Variants in FHIT observed in about 807,000 individuals in gnomAD.
FHIT encodes bis(5'-adenosyl)-triphosphatase.
In FHIT, 19 loss-of-function variants were observed where a neutral mutation model predicts 17.9. That is an observed-to-expected ratio of 1.06 (90% CI 0.74 to 1.56). The LOEUF is 1.56. FHIT is among the 40% of genes most tolerant of loss of function. FHIT has a pLI of 0.00. For missense variants in FHIT, 248 were observed against 189.2 expected (o/e 1.31, Z -1.82); for synonymous variants, 81 against 69.7 (o/e 1.16, Z -0.81).
chr3:60,270,404 T>C (rs1706804533), intron 5 of FHIT, among the ~76,000 whole-genome samples: 2 of 152,212 alleles, frequency 1.3e-5, no homozygotes, highest in Admixed American at 6.5e-5. Context: ...GTTCTACCTT[T>C]TTAAAACAGA....
At chr3:60,030,424 A>G (rs754303760) in intron 5 of FHIT, among the ~76,000 whole-genome samples, 1 of 152,122 alleles carries the variant, frequency 6.6e-6, no homozygotes, top group South Asian at 2.1e-4. Flanking sequence ...TCATCCTTGG[A>G]TCCAAAGACC....
intron 5 of FHIT, among the ~76,000 whole-genome samples, chr3:60,058,377 C>G: frequency 6.6e-6 from 1 of 151,994 alleles, no homozygotes; most frequent in East Asian, 1.9e-4. Flanking sequence ...GATCTGCCCG[C>G]CTCAGCCTCC....
At position 60,501,265 on chromosome 3, in the gene FHIT, T is replaced by C. The variant is rs1032030260; in HGVS notation, c.103+35595A>G. Reference sequence around the variant, plus strand: ...ATTTCAATATACGTTTAATGTTTTTTGATAACTCGTTGTAGGTAGCCACTA... The same window carrying C: ...ATTTCAATATACGTTTAATGTTTTTCGATAACTCGTTGTAGGTAGCCACTA... On this transcript the variant is annotated intron_variant, in intron 5 of 9. Transcript: ENST00000492590. 9.9e-5 allele frequency among the ~76,000 whole-genome samples: 15 copies of C among 152,250 alleles called. No homozygotes were observed. In the East Asian group the frequency reaches 2.3e-3, roughly 24 times the overall value.
At chr3:61,043,763 C>A (rs932095730) in intron 2 of FHIT, among the ~76,000 whole-genome samples, 4 of 152,208 alleles carry the variant, frequency 2.6e-5, no homozygotes, top group African/African-American at 9.6e-5. Context: ...CAGCCAAGTA[C>A]CCCTCTGAGA....
chr3:61,215,125 C>G (rs370421621), intron 1 of FHIT, among the ~76,000 whole-genome samples: 1 of 151,846 alleles, frequency 6.6e-6, no homozygotes, highest in Non-Finnish European at 1.5e-5. Flanking sequence ...TCTCACCACT[C>G]CTATTCAACA....
intron 7 of FHIT, among the ~76,000 whole-genome samples, chr3:59,965,260 T>G (rs2200453): frequency 0.98 from 148,978 of 152,124 alleles, 73,016 homozygotes; most frequent in Middle Eastern, 1. Context: ...GGATGGAGGT[T>G]CATAGAAAAT....
intron 5 of FHIT, among the ~76,000 whole-genome samples, chr3:60,109,359 A>G (rs1422513818): frequency 6.6e-6 from 1 of 152,216 alleles, no homozygotes; most frequent in Non-Finnish European, 1.5e-5. Flanking sequence ...CTCAGAGGGT[A>G]TTAAACTCCA....
chr3:59,882,930 G>C lies in FHIT; in HGVS notation c.348+39416C>G, dbSNP rs186406151. 7.9e-5 allele frequency among the ~76,000 whole-genome samples: 12 copies of C among 152,310 alleles called. No homozygotes were observed. In the East Asian group the frequency reaches 1.9e-3, roughly 24 times the overall value. The stretch of plus-strand genomic sequence containing the variant: ...TTGGCCATGACTATGCTGTTCGGAG[G>C]AGGAAAATGAGAATGTTCAGTGGAA... On this transcript the variant is annotated intron_variant, in intron 8 of 9. Transcript: ENST00000492590.
intron 5 of FHIT, among the ~76,000 whole-genome samples, chr3:60,440,731 C>A (rs2107326934): frequency 6.6e-6 from 1 of 152,088 alleles, no homozygotes; most frequent in South Asian, 2.1e-4. Flanking sequence ...TGTCTTTCTG[C>A]AATATTCAGT....
chr3:60,911,397 A>ACACC (rs1553765843), intron 3 of FHIT, among the ~76,000 whole-genome samples: 9 of 149,282 alleles, frequency 6.0e-5, no homozygotes, highest in East Asian at 2.0e-4. Flanking sequence ...ACACACACAC[A>ACACC]CCCTTCCACC....
chr3:60,443,197 T>C (rs1415359609), intron 5 of FHIT, among the ~76,000 whole-genome samples: 1 of 152,214 alleles, frequency 6.6e-6, no homozygotes, highest in Non-Finnish European at 1.5e-5. Flanking sequence ...GTTTTCTAGA[T>C]ATACAATCAT....
intron 7 of FHIT, among the ~76,000 whole-genome samples, chr3:59,944,034 G>T (rs1706671980): frequency 6.6e-6 from 1 of 152,134 alleles, no homozygotes; most frequent in Non-Finnish European, 1.5e-5. Context: ...TCAGTACTAG[G>T]TACTGTCTAA....
intron 5 of FHIT, among the ~76,000 whole-genome samples, chr3:60,331,303 G>A (rs192229776): frequency 1.3e-4 from 19 of 151,806 alleles, no homozygotes; most frequent in African/African-American, 4.1e-4. Context: ...TCTTTCCATG[G>A]GTGGATATAG....
At chr3:60,044,049 T>G (rs1310607310) in intron 5 of FHIT, among the ~76,000 whole-genome samples, 1 of 152,208 alleles carries the variant, frequency 6.6e-6, no homozygotes, top group African/African-American at 2.4e-5. Flanking sequence ...CTTTTAAATG[T>G]TGTAAGTCAA....
At chr3:60,860,106 A>G (rs1703583171) in intron 3 of FHIT, among the ~76,000 whole-genome samples, 1 of 147,872 alleles carries the variant, frequency 6.8e-6, no homozygotes, top group African/African-American at 2.5e-5. Flanking sequence ...GATATATCTG[A>G]TATATGATAT....
At chr3:59,791,516 C>CAGTT (rs1425059680) in intron 8 of FHIT, among the ~76,000 whole-genome samples, 2 of 152,164 alleles carry the variant, frequency 1.3e-5, no homozygotes, top group East Asian at 3.9e-4. Context: ...TTAGACTTTT[C>CAGTT]AGTTACATGA....
At chr3:59,798,336 C>G (rs921969880) in intron 8 of FHIT, among the ~76,000 whole-genome samples, 1 of 152,124 alleles carries the variant, frequency 6.6e-6, no homozygotes, top group African/African-American at 2.4e-5. Flanking sequence ...TAGTGCTATA[C>G]GATTTAGGTA....
At chr3:60,378,012 CTA>C (rs1700645202) in intron 5 of FHIT, among the ~76,000 whole-genome samples, 1 of 151,954 alleles carries the variant, frequency 6.6e-6, no homozygotes, top group African/African-American at 2.4e-5. Flanking sequence ...ATGTGAGAGA[CTA>C]TTATTTTGTT....
chr3:60,790,488 C>T lies in FHIT; in HGVS notation c.-18+31431G>A, dbSNP rs76662743. On this transcript the variant is annotated intron_variant, in intron 4 of 9. Transcript: ENST00000492590. ...AAGCTGCAGTAGTCTCCTGAGTTAT[C>T]ACAACAGGATCATGATTGTAATTTG... Among the ~76,000 whole-genome samples the T allele has an allele frequency of 9.8e-3, 1,491 of 152,276 alleles. 30 individuals carry two copies. Among genetic ancestry groups the T allele is most frequent in the African/African-American group, 0.034 (1,400 of 41,552 alleles).
Sources: allele counts gnomAD v4.1 joint callset (sites outside exome capture counted in the v4.1 genomes callset), GRCh38; gene constraint gnomAD v4.1.1; transcripts MANE v1.5; gene names NCBI Gene and HGNC (gene_info 2026-07-23, HGNC 2026-07-21).